ABCC4: variants seen among roughly 807,000 people sequenced by gnomAD.
ABCC4 encodes ATP-binding cassette sub-family C member 4.
Under a neutral mutation model 168.5 loss-of-function variants are expected in ABCC4, and 102 were observed. The ratio of observed to expected loss-of-function variants is 0.61; its 90% confidence interval spans 0.52 to 0.71. The LOEUF is 0.71. ABCC4 is among the 30% of genes least tolerant of loss of function. The pLI is 0.00. For missense variants in ABCC4, 1,402 were observed against 1,605.8 expected (o/e 0.87, Z 2.17); for synonymous variants, 617 against 590.7 (o/e 1.04, Z -0.65).
chr13:95,049,265 T>TA (rs2139255004), intron 27 of ABCC4, among the ~76,000 whole-genome samples: 1 of 148,772 alleles, frequency 6.7e-6, no homozygotes, highest in South Asian at 2.1e-4. Flanking sequence ...ACCCAGGAGG[T>TA]AGAGTTTGCA....
At chr13:95,190,202 G>C (rs1042972556) in intron 9 of ABCC4, among the ~76,000 whole-genome samples, 3 of 152,050 alleles carry the variant, frequency 2.0e-5, no homozygotes, top group African/African-American at 7.2e-5. Context: ...AATCAGCCAG[G>C]CATGGTGTGT....
chr13:95,030,072 G>A (rs1566356643), intron 30 of ABCC4, among the ~76,000 whole-genome samples: 1 of 152,098 alleles, frequency 6.6e-6, no homozygotes, highest in Non-Finnish European at 1.5e-5. Flanking sequence ...CCAGGCTAGA[G>A]TGCAGTCGTG....
chr13:95,258,566 CTTAA>C (rs2040450246), intron 1 of ABCC4, among the ~76,000 whole-genome samples: 1 of 152,028 alleles, frequency 6.6e-6, no homozygotes, highest in African/African-American at 2.4e-5. Flanking sequence ...AAAAAATGCA[CTTAA>C]TTACTTTGTC....
chr13:95,186,666 A>G (rs773617338), intron 11 of ABCC4, 35 bp downstream of exon 11: 2 of 1,588,764 alleles, frequency 1.3e-6, no homozygotes, highest in Admixed American at 3.5e-5. Context: ...ATTACTGGAC[A>G]TTCGAGTACA....
chr13:95,198,879 G>A (rs1399274540), intron 8 of ABCC4, among the ~76,000 whole-genome samples: 2 of 152,104 alleles, frequency 1.3e-5, no homozygotes, highest in Admixed American at 1.3e-4. Flanking sequence ...AACCCTGCAT[G>A]TTCTCACTCA....
chr13:95,291,746 C>T (rs938113376), intron 1 of ABCC4, among the ~76,000 whole-genome samples: 1 of 152,152 alleles, frequency 6.6e-6, no homozygotes, highest in Non-Finnish European at 1.5e-5. Context: ...CATAAACTTC[C>T]TGACCACATT....
At chr13:95,034,887 T>C in intron 29 of ABCC4, 148 bp from the exon 30 acceptor site, 2 of 1,121,662 alleles carry the variant, frequency 1.8e-6, no homozygotes, top group South Asian at 2.9e-5. Flanking sequence ...TTGATTACCC[T>C]GTTTTACGAA....
intron 1 of ABCC4, among the ~76,000 whole-genome samples, chr13:95,273,588 A>G (rs1158461322): frequency 6.6e-6 from 1 of 152,104 alleles, no homozygotes; most frequent in Non-Finnish European, 1.5e-5. Flanking sequence ...ACTGAGCACC[A>G]TGGACCCTCC....
intron 11 of ABCC4, among the ~76,000 whole-genome samples, chr13:95,183,045 T>C (rs984830227): frequency 6.6e-6 from 1 of 151,770 alleles, no homozygotes; most frequent in Non-Finnish European, 1.5e-5. Flanking sequence ...ATCTGAGAAA[T>C]CTTGTTAGTT....
intron 14 of ABCC4, among the ~76,000 whole-genome samples, chr13:95,168,135 T>C (rs1299540023): frequency 1.3e-5 from 2 of 152,076 alleles, no homozygotes; most frequent in African/African-American, 4.8e-5. Context: ...ACCTCCCAAA[T>C]TGCTGGGATT....
At chr13:95,059,278 T>C (rs1204654773) in intron 26 of ABCC4, among the ~76,000 whole-genome samples, 1 of 152,198 alleles carries the variant, frequency 6.6e-6, no homozygotes, top group Non-Finnish European at 1.5e-5. Context: ...AGTTTGAAAA[T>C]GTGTCAAATG....
intron 13 of ABCC4, among the ~76,000 whole-genome samples, chr13:95,176,364 G>A (rs2037702247): frequency 1.3e-5 from 2 of 151,800 alleles, no homozygotes; most frequent in South Asian, 4.2e-4. Flanking sequence ...GCATGGTGGT[G>A]CTAGCCTGTA....
intron 10 of ABCC4, among the ~76,000 whole-genome samples, chr13:95,188,202 T>A (rs1197095294): frequency 6.6e-6 from 1 of 152,208 alleles, no homozygotes; most frequent in Non-Finnish European, 1.5e-5. Flanking sequence ...ATAATTTCTT[T>A]CATGGAGATG....
At chr13:95,164,080 A>G (rs2037193994) in intron 16 of ABCC4, among the ~76,000 whole-genome samples, 1 of 150,552 alleles carries the variant, frequency 6.6e-6, no homozygotes, top group African/African-American at 2.4e-5. Context: ...GAAAGAAAGA[A>G]TAAAAGGCTC....
intron 19 of ABCC4, among the ~76,000 whole-genome samples, chr13:95,156,820 C>T (rs568222267): frequency 2.4e-4 from 37 of 152,086 alleles, no homozygotes; most frequent in Admixed American, 1.2e-3. Context: ...TGGCAGGGCG[C>T]GGTAGCTCAC....
chr13:95,163,280 T>A (rs550677572), intron 17 of ABCC4, 64 bp from the exon 18 acceptor site: 246 of 1,181,032 alleles, frequency 2.1e-4, no homozygotes, highest in Middle Eastern at 1.1e-3. Context: ...TACATTTTTT[T>A]AAAAATGAAC....
chr13:95,090,107 G>A (rs762692858), intron 20 of ABCC4, among the ~76,000 whole-genome samples: 2 of 152,098 alleles, frequency 1.3e-5, no homozygotes, highest in Non-Finnish European at 2.9e-5. Flanking sequence ...CAAATACTCT[G>A]CAGCAAGACC....
intron 1 of ABCC4, among the ~76,000 whole-genome samples, chr13:95,280,697 G>A (rs2041099157): frequency 6.6e-6 from 1 of 151,876 alleles, no homozygotes; most frequent in Non-Finnish European, 1.5e-5. Flanking sequence ...CTTCCTGGAA[G>A]GGACTCTCAG....
chr13:95,237,961 G>A (rs565608285), intron 3 of ABCC4, among the ~76,000 whole-genome samples: 23 of 152,112 alleles, frequency 1.5e-4, no homozygotes, highest in African/African-American at 5.5e-4. Context: ...TTGGGAGGCC[G>A]AGGTGGGCAG....
Sources: gnomAD v4.1 joint callset for allele counts (sites outside exome capture counted in the v4.1 genomes callset) on GRCh38, gnomAD v4.1.1 for gene constraint, MANE v1.5 for transcripts, NCBI Gene and HGNC (gene_info 2026-07-23, HGNC 2026-07-21) for gene names.